The following MFSD12 variants were observed in gnomAD, a reference collection of about 807,000 sequenced individuals.
MFSD12 encodes the protein major facilitator superfamily domain-containing protein 12.
In MFSD12, 67 loss-of-function variants were observed where a neutral mutation model predicts 51.2. The observed-to-expected ratio is 1.31, with a 90% confidence interval of 1.08 to 1.60. The LOEUF is 1.60. Ranked by LOEUF, MFSD12 falls within the 40% of genes most tolerant of loss-of-function variation. The probability of loss-of-function intolerance (pLI) is 0.00; values close to 1 mark genes in which losing one functional copy is unlikely to be tolerated. For synonymous variants in MFSD12, 441 were observed against 316.7 expected (o/e 1.39, Z -4.17); for missense variants, 921 against 673.0 (o/e 1.37, Z -4.08).
intron 1 of MFSD12, among the ~76,000 whole-genome samples, chr19:3,553,940 G>T (rs543925923): frequency 6.6e-6 from 1 of 151,440 alleles, no homozygotes; most frequent in South Asian, 2.1e-4. Context: ...AAATTAGCCG[G>T]GCATGGTGGC....
intron 1 of MFSD12, among the ~76,000 whole-genome samples, chr19:3,555,423 T>C (rs2031682947): frequency 6.6e-6 from 1 of 152,130 alleles, no homozygotes; most frequent in African/African-American, 2.4e-5. Flanking sequence ...CTTACGCGAC[T>C]GTCAAAGAGC....
intron 6 of MFSD12, 64 bp from the exon 7 acceptor site, chr19:3,546,489 CCG>C: frequency 2.0e-6 from 3 of 1,518,066 alleles, no homozygotes; most frequent in Non-Finnish European, 2.7e-6. Flanking sequence ...GCGCTTCAAT[CCG>C]CCACCCCTAC....
chr19:3,543,510 G>T, downstream of MFSD12: 2 of 1,461,946 alleles, frequency 1.4e-6, no homozygotes, highest in South Asian at 1.2e-5. Context: ...CAGCGGGCCT[G>T]CCAGAGGGGG....
downstream of MFSD12, chr19:3,539,387 T>C: frequency 1.6e-6 from 1 of 634,360 alleles, no homozygotes; most frequent in East Asian, 2.8e-5. Flanking sequence ...GGCTCATGTG[T>C]GTGACGTCCC....
rs577817542 is a variant in MFSD12 at position 3,548,019 on chromosome 19, C to T, written c.666G>A (p.Leu222=). The T allele has an allele frequency of 6.3e-7, 1 of 1,599,622 alleles. No homozygotes were observed. The highest frequency in any genetic ancestry group is 1.3e-5 in the African/African-American group (1 of 74,936). The change falls in exon 4 of 10, where the codon CTG becomes CTA. Residue 222 remains leucine, a synonymous_variant. Transcript: ENST00000355415. ...QDVPVFRNLS[L]LVVGVGAVFS... is the part of the protein sequence containing the mutation. The stretch of plus-strand genomic sequence containing the variant: ...ACACGGCGCCGACACCCACCACCAG[C>T]AGGGACAGGTTCTGGGGATGCAGCA...
At chr19:3,543,493 C>G (rs1343108767), downstream of MFSD12, 188 of 1,520,862 alleles carry the variant, frequency 1.2e-4, 1 homozygote, top group African/African-American at 1.4e-3. Flanking sequence ...CCCCCCCCCG[C>G]CCTGGGCAGC....
intron 1 of MFSD12, among the ~76,000 whole-genome samples, chr19:3,552,170 AT>A (rs1191138332): frequency 3.9e-3 from 532 of 136,134 alleles, no homozygotes; most frequent in East Asian, 3.8e-3. Flanking sequence ...TTCAATATCT[AT>A]TTTTTTTTTT....
intron 1 of MFSD12, among the ~76,000 whole-genome samples, chr19:3,556,623 C>T (rs557657541): frequency 1.6e-5 from 2 of 122,888 alleles, no homozygotes; most frequent in African/African-American, 3.3e-5. Context: ...GGCAGAAAGA[C>T]GGGGGATGCT....
At chr19:3,544,057 G>T (rs934267645), downstream of MFSD12, 1 of 1,489,042 alleles carries the variant, frequency 6.7e-7, no homozygotes, top group Non-Finnish European at 9.0e-7. Flanking sequence ...CCAGATGAGG[G>T]GGCACTAACC....
At chr19:3,539,165 G>C (rs1001637209) in intron 4 of MFSD12, 1 of 1,544,716 alleles carries the variant, frequency 6.5e-7, no homozygotes, top group Non-Finnish European at 8.8e-7. Context: ...GAGCCCGGGG[G>C]ATCCAGGCAG....
downstream of MFSD12, chr19:3,541,969 C>G (rs2030452281): frequency 2.5e-6 from 1 of 403,758 alleles, no homozygotes; most frequent in African/African-American, 2.2e-5. Flanking sequence ...ATCACCACAC[C>G]TGACTAATTT....
downstream of MFSD12, chr19:3,541,698 G>A: frequency 1.0e-6 from 1 of 985,294 alleles, no homozygotes; most frequent in South Asian, 4.7e-5. Flanking sequence ...ACGGGGGTGA[G>A]TGCATGTACC....
intron 1 of MFSD12, among the ~76,000 whole-genome samples, chr19:3,555,025 G>T (rs2031663641): frequency 6.6e-6 from 1 of 152,184 alleles, no homozygotes; most frequent in Admixed American, 6.5e-5. Context: ...CTTGGTGTCC[G>T]GTTGGACCAC....
chr19:3,556,019 G>A (rs1459463402), intron 1 of MFSD12, among the ~76,000 whole-genome samples: 2 of 152,172 alleles, frequency 1.3e-5, no homozygotes, highest in African/African-American at 4.8e-5. Context: ...AATCAGGGCA[G>A]CTCCCCCAGA....
Position 3,548,144 on chromosome 19 carries a change from G to A in MFSD12, c.633C>T (p.Gly211=). ...QDISISDQLG[G]QDVPVFRNLS... is the part of the protein sequence containing the mutation. ...TCACCCGGAACACGGGCACGTCCTG[G>A]CCCCCCAGCTGGTCGCTGATGCTGA... The change falls in exon 3 of 10, where the codon GGC becomes GGT. Residue 211 remains glycine, a synonymous_variant. Coordinates refer to ENST00000355415, the MANE Select transcript of MFSD12 (RefSeq NM_174983.5). 6.2e-7 allele frequency: 1 copy of A among 1,606,698 alleles called. No homozygotes were observed. Among genetic ancestry groups the A allele is most frequent in the South Asian group, 1.1e-5 (1 of 90,764 alleles).
Position 3,544,536 on chromosome 19 carries a change from C to T in MFSD12, c.*174G>A, listed in dbSNP as rs2030775721. The T allele has an allele frequency of 2.8e-6, 4 of 1,411,452 alleles. No individual in the cohort carries two copies. Among genetic ancestry groups the T allele is most frequent in the Non-Finnish European group, 3.7e-6 (4 of 1,085,398 alleles). 87.4% of individuals were successfully genotyped at this position (1,411,452 alleles called of 1,614,324 possible). On this transcript the variant is annotated 3_prime_UTR_variant, in exon 10 of 10. Coordinates refer to ENST00000355415, the MANE Select transcript of MFSD12 (RefSeq NM_174983.5). The stretch of plus-strand genomic sequence containing the variant: ...AAACCCAGGGGGTCCTTGCAAGTCC[C>T]TGGCGGGCATCCCTGCTGCCCTCAC...
downstream of MFSD12, chr19:3,541,927 A>C (rs2030449986): frequency 1.9e-6 from 1 of 521,640 alleles, no homozygotes. Context: ...CTCCTGCCTC[A>C]GCTTCCCGAG....
downstream of MFSD12, chr19:3,540,132 T>TG (rs1568247193): frequency 6.8e-6 from 1 of 147,508 alleles, no homozygotes; most frequent in Non-Finnish European, 1.5e-5. Flanking sequence ...CTCATACTGT[T>TG]GCCCAGGCTA....
intron 8 of MFSD12, 122 bp from the exon 9 acceptor site, chr19:3,545,061 G>A: frequency 1.5e-6 from 2 of 1,330,264 alleles, no homozygotes; most frequent in Non-Finnish European, 2.0e-6. Flanking sequence ...AGGAGCTGGG[G>A]GCCCTGCCAC....
Sources: allele counts gnomAD v4.1 joint callset (sites outside exome capture counted in the v4.1 genomes callset), GRCh38; gene constraint gnomAD v4.1.1; transcripts MANE v1.5; gene names NCBI Gene and HGNC (gene_info 2026-07-23, HGNC 2026-07-21).